SLC41A2: variants seen among roughly 807,000 people sequenced by gnomAD.
SLC41A2 encodes SLC41A1-like 1.
In SLC41A2, 32 loss-of-function variants were observed where a neutral mutation model predicts 58.3. That is an observed-to-expected ratio of 0.55 (90% CI 0.41 to 0.74). The LOEUF (loss-of-function observed/expected upper bound fraction) is 0.74, where lower values mean the gene tolerates loss of function less well. SLC41A2 is among the 30% of genes least tolerant of loss of function. SLC41A2 has a pLI of 0.00. For missense variants in SLC41A2, 514 were observed against 680.6 expected, an observed-to-expected ratio of 0.76 and a Z score of 2.72; for synonymous variants, 190 against 235.0, an observed-to-expected ratio of 0.81 and a Z score of 1.75.
At chr12:104,882,737 T>G (rs2044444814) in intron 6 of SLC41A2, among the ~76,000 whole-genome samples, 1 of 152,254 alleles carries the variant, frequency 6.6e-6, no homozygotes, top group African/African-American at 2.4e-5. Flanking sequence ...CCTTTCTCTC[T>G]GGCTGCCTTT....
chr12:104,822,659 T>C (rs1455958582), intron 10 of SLC41A2, among the ~76,000 whole-genome samples: 1 of 152,152 alleles, frequency 6.6e-6, no homozygotes, highest in Non-Finnish European at 1.5e-5. Flanking sequence ...ATCCCTCTCT[T>C]GACTAAGCTC....
At chr12:104,826,343 C>T (rs749907801) in intron 10 of SLC41A2, among the ~76,000 whole-genome samples, 12 of 152,148 alleles carry the variant, frequency 7.9e-5, no homozygotes, top group South Asian at 2.1e-4. Context: ...TCTGTAGATG[C>T]GAGGACAGAT....
chr12:104,869,030 C>T (rs1288962171), intron 6 of SLC41A2, among the ~76,000 whole-genome samples: 1 of 152,156 alleles, frequency 6.6e-6, no homozygotes, highest in East Asian at 1.9e-4. Flanking sequence ...GATAGGGTCT[C>T]ACTTTGTCAC....
At chr12:104,881,173 A>C (rs1300008371) in intron 6 of SLC41A2, among the ~76,000 whole-genome samples, 1 of 152,010 alleles carries the variant, frequency 6.6e-6, no homozygotes, top group East Asian at 1.9e-4. Context: ...CCCCTTTATA[A>C]TTTTTTATTG....
chr12:104,924,725 C>A (rs1301496647), intron 2 of SLC41A2, among the ~76,000 whole-genome samples: 1 of 150,176 alleles, frequency 6.7e-6, no homozygotes, highest in Non-Finnish European at 1.5e-5. Flanking sequence ...GCCAGGGCAA[C>A]AAGAGTGAAA....
At chr12:104,884,430 TGA>T (rs1419645360) in intron 6 of SLC41A2, among the ~76,000 whole-genome samples, 2 of 152,186 alleles carry the variant, frequency 1.3e-5, no homozygotes, top group Non-Finnish European at 2.9e-5. Context: ...CGTCGCTCAC[TGA>T]GAGCTGTAGA....
At chr12:104,902,374 G>C (rs2045607821) in intron 3 of SLC41A2, among the ~76,000 whole-genome samples, 1 of 152,092 alleles carries the variant, frequency 6.6e-6, no homozygotes, top group Non-Finnish European at 1.5e-5. Flanking sequence ...GAGTGAAGAG[G>C]GACAAGGTGA....
chr12:104,948,073 C>A (rs1040066699), intron 1 of SLC41A2, among the ~76,000 whole-genome samples: 1 of 152,016 alleles, frequency 6.6e-6, no homozygotes, highest in Non-Finnish European at 1.5e-5. Context: ...TATGGAAATT[C>A]TTTATTGTTT....
At chr12:104,808,477 TA>T (rs2041024562) in intron 10 of SLC41A2, among the ~76,000 whole-genome samples, 2 of 152,252 alleles carry the variant, frequency 1.3e-5, no homozygotes, top group Admixed American at 6.5e-5. Flanking sequence ...GCCAGTATTT[TA>T]CTGAGGATTT....
chr12:104,861,248 C>A (rs111463634), intron 8 of SLC41A2, 43 bp downstream of exon 8: 2 of 1,415,244 alleles, frequency 1.4e-6, no homozygotes, highest in East Asian at 4.6e-5. Flanking sequence ...TAAGAGGATA[C>A]GAAGATTTGA....
intron 10 of SLC41A2, among the ~76,000 whole-genome samples, chr12:104,815,800 TG>T (rs1247438561): frequency 1.3e-5 from 2 of 152,180 alleles, no homozygotes; most frequent in African/African-American, 2.4e-5. Flanking sequence ...AATATTTAAA[TG>T]TCTGCTAAGA....
At chr12:104,824,591 C>A (rs1410906092) in intron 10 of SLC41A2, among the ~76,000 whole-genome samples, 2 of 152,198 alleles carry the variant, frequency 1.3e-5, no homozygotes, top group Non-Finnish European at 2.9e-5. Context: ...ATACAGAAAG[C>A]CCTCTGTCCT....
At position 104,903,963 on chromosome 12, in the gene SLC41A2, C is replaced by A. The variant is rs12579573; in HGVS notation, c.663+5692G>T. ...TATAACCAGACATTTGAGAAAAATA[C>A]CTAGTGTAAAATATAGACACCACAA... On this transcript the variant is annotated intron_variant, in intron 3 of 10. Coordinates refer to ENST00000258538, the MANE Select transcript of SLC41A2 (RefSeq NM_001352171.3). Among the ~76,000 whole-genome samples the A allele has an allele frequency of 2.6e-3, 396 of 152,024 alleles. 15 individuals are homozygous for A. The East Asian group carries it at 0.066, about 25-fold the overall frequency.
chr12:104,898,306 T>C (rs1329978954), intron 3 of SLC41A2, among the ~76,000 whole-genome samples: 1 of 152,148 alleles, frequency 6.6e-6, no homozygotes, highest in Non-Finnish European at 1.5e-5. Flanking sequence ...AGCCTTCTTC[T>C]GCATAAACAG....
intron 10 of SLC41A2, among the ~76,000 whole-genome samples, chr12:104,813,357 A>T (rs909590254): frequency 3.9e-5 from 6 of 152,094 alleles, no homozygotes; most frequent in Non-Finnish European, 7.4e-5. Context: ...ACAATTTATT[A>T]AAAAAAGATT....
intron 6 of SLC41A2, among the ~76,000 whole-genome samples, chr12:104,885,857 T>C (rs191392945): frequency 4.6e-5 from 7 of 152,220 alleles, no homozygotes; most frequent in African/African-American, 1.4e-4. Flanking sequence ...AAACATTCCA[T>C]TGGTAAATTT....
chr12:104,922,555 G>A (rs541824144), intron 2 of SLC41A2, among the ~76,000 whole-genome samples: 1 of 152,034 alleles, frequency 6.6e-6, no homozygotes, highest in Non-Finnish European at 1.5e-5. Context: ...AAGAGAGAGA[G>A]ATAGACTACA....
chr12:104,921,098 A>C (rs2046575370), intron 2 of SLC41A2, among the ~76,000 whole-genome samples: 1 of 151,920 alleles, frequency 6.6e-6, no homozygotes, highest in South Asian at 2.1e-4. Flanking sequence ...AAAAACAAGA[A>C]GGAAAAAAAG....
At chr12:104,901,692 G>A (rs1160571644) in intron 3 of SLC41A2, among the ~76,000 whole-genome samples, 1 of 152,056 alleles carries the variant, frequency 6.6e-6, no homozygotes, top group African/African-American at 2.4e-5. Context: ...TAAGACCGCA[G>A]GTATGTGCCA....
Sources: allele counts gnomAD v4.1 joint callset (sites outside exome capture counted in the v4.1 genomes callset), GRCh38; gene constraint gnomAD v4.1.1; transcripts MANE v1.5; gene names NCBI Gene and HGNC (gene_info 2026-07-23, HGNC 2026-07-21).